Variants in PALLD observed in about 807,000 individuals in gnomAD.
PALLD encodes the protein palladin, cytoskeletal associated protein.
A neutral mutation model predicts 123.5 loss-of-function variants in PALLD; 61 were observed. The ratio of observed to expected loss-of-function variants is 0.49; its 90% CI spans 0.40 to 0.61. PALLD has a LOEUF of 0.61. Ranked by LOEUF, PALLD falls within the 20% of genes least tolerant of loss-of-function variation. The pLI is 0.00. For missense variants in PALLD, 1,273 were observed against 1,377.0 expected (o/e 0.92, Z 1.20); for synonymous variants, 465 against 496.4 (o/e 0.94, Z 0.84).
At chr4:168,767,500 G>T (rs190982483) in intron 10 of PALLD, among the ~76,000 whole-genome samples, 207 of 150,978 alleles carry the variant, frequency 1.4e-3, no homozygotes, top group South Asian at 4.0e-3. Context: ...CAGCATTCAT[G>T]GTTTTCCTTA....
At chr4:168,893,095 G>T (rs537467647) in intron 11 of PALLD, among the ~76,000 whole-genome samples, 1 of 152,290 alleles carries the variant, frequency 6.6e-6, no homozygotes, top group South Asian at 2.1e-4. Flanking sequence ...GGTAGCAGGT[G>T]CATTCTGGTG....
intron 2 of PALLD, among the ~76,000 whole-genome samples, chr4:168,516,544 A>G (rs1417381894): frequency 1.3e-5 from 2 of 152,152 alleles, no homozygotes; most frequent in Non-Finnish European, 2.9e-5. Context: ...TATGTTTTAA[A>G]CCATTTAAAT....
intron 7 of PALLD, 103 bp from the exon 8 acceptor site, chr4:168,691,166 G>A: frequency 1.2e-6 from 1 of 803,882 alleles, no homozygotes; most frequent in Non-Finnish European, 2.2e-6. Context: ...CTTCAGACAT[G>A]TCCTAGACAA....
intron 10 of PALLD, chr4:168,877,688 A>G (rs2151113008): frequency 9.3e-7 from 1 of 1,069,574 alleles, no homozygotes; most frequent in Non-Finnish European, 1.1e-6. Context: ...TGGCCGTTCC[A>G]TCTCTGAAGG....
rs17054576 is a variant in PALLD at position 168,921,891 on chromosome 4, A to T, written c.3058+150A>T. 86,846 of 712,432 alleles carry T rather than the reference A, an allele frequency of 0.12. 5,988 individuals are homozygous for T. The highest frequency in any genetic ancestry group is 0.25 in the African/African-American group (14,315 of 56,974). The allele number at this position is 712,432 out of a possible 1,614,324, so 44.1% of individuals were successfully genotyped here. A position where few individuals can be genotyped will look rare whatever the true frequency, so the allele number is the denominator to read the frequency against. ...AATAGCCAATGAGGACATGGTTATA[A>T]GGCCTAGCAAAACAGAAACAGAAAT... On this transcript the variant is annotated intron_variant, in intron 18 of 21. Coordinates refer to ENST00000505667, the MANE Select transcript of PALLD (RefSeq NM_001166108.2).
At chr4:168,607,936 C>G (rs1773347720) in intron 2 of PALLD, among the ~76,000 whole-genome samples, 1 of 152,198 alleles carries the variant, frequency 6.6e-6, no homozygotes, top group South Asian at 2.1e-4. Context: ...CTCTGCCTCC[C>G]TGTCTTTGCT....
At chr4:168,538,264 A>G (rs1350964115) in intron 2 of PALLD, among the ~76,000 whole-genome samples, 1 of 152,176 alleles carries the variant, frequency 6.6e-6, no homozygotes, top group Non-Finnish European at 1.5e-5. Flanking sequence ...TATTCTGAGT[A>G]AGTAAACAAT....
At chr4:168,654,508 A>G (rs1227621058) in intron 2 of PALLD, among the ~76,000 whole-genome samples, 1 of 152,232 alleles carries the variant, frequency 6.6e-6, no homozygotes, top group African/African-American at 2.4e-5. Flanking sequence ...AAAAGATCTA[A>G]ATCTGTATCA....
At chr4:168,497,690 A>T (rs1185933675) in intron 1 of PALLD, among the ~76,000 whole-genome samples, 2 of 152,248 alleles carry the variant, frequency 1.3e-5, no homozygotes, top group Non-Finnish European at 2.9e-5. Context: ...ACTGGACATA[A>T]TTAAATGAGT....
At chr4:168,641,272 T>C (rs562216177) in intron 2 of PALLD, among the ~76,000 whole-genome samples, 2 of 151,996 alleles carry the variant, frequency 1.3e-5, no homozygotes, top group East Asian at 3.9e-4. Context: ...TGCTTAAGTC[T>C]GAGTGGAGCC....
intron 10 of PALLD, among the ~76,000 whole-genome samples, chr4:168,730,601 C>T (rs529477118): frequency 6.6e-6 from 1 of 152,186 alleles, no homozygotes; most frequent in East Asian, 1.9e-4. Flanking sequence ...ATATGCTTAG[C>T]TAGAATGTGT....
chr4:168,508,685 C>T (rs1483107889), intron 1 of PALLD, among the ~76,000 whole-genome samples: 1 of 152,282 alleles, frequency 6.6e-6, no homozygotes, highest in Admixed American at 6.5e-5. Flanking sequence ...AACACAGTAG[C>T]TTTCTTTCAA....
chr4:168,721,351 T>C (rs770206943), intron 10 of PALLD, among the ~76,000 whole-genome samples: 6 of 152,118 alleles, frequency 3.9e-5, no homozygotes, highest in Non-Finnish European at 7.4e-5. Flanking sequence ...ATGAACAATA[T>C]GCTCATAGAT....
At chr4:168,747,244 C>T (rs75553618) in intron 10 of PALLD, among the ~76,000 whole-genome samples, 4,571 of 152,286 alleles carry the variant, frequency 0.03, 206 homozygotes, top group African/African-American at 0.095. Flanking sequence ...TCACTTGCCA[C>T]CACAGAGGCA....
At chr4:168,834,800 A>G (rs542403727) in intron 10 of PALLD, among the ~76,000 whole-genome samples, 2 of 152,288 alleles carry the variant, frequency 1.3e-5, no homozygotes, top group East Asian at 1.9e-4. Flanking sequence ...ATTTTACTCT[A>G]TTGTCTTAAG....
chr4:168,919,925 A>G (rs189288542), intron 17 of PALLD, among the ~76,000 whole-genome samples: 1 of 152,318 alleles, frequency 6.6e-6, no homozygotes, highest in African/African-American at 2.4e-5. Flanking sequence ...TTGCCCTAGC[A>G]TGAGTAACTA....
intron 2 of PALLD, among the ~76,000 whole-genome samples, chr4:168,641,014 C>T (rs539432299): frequency 6.6e-6 from 1 of 152,224 alleles, no homozygotes; most frequent in African/African-American, 2.4e-5. Flanking sequence ...CGAGACCATC[C>T]TGGCTAACAC....
chr4:168,845,483 A>G (rs1746703888), intron 10 of PALLD, among the ~76,000 whole-genome samples: 1 of 152,252 alleles, frequency 6.6e-6, no homozygotes, highest in African/African-American at 2.4e-5. Flanking sequence ...AAAAAGCAAT[A>G]TAGCATGACA....
intron 13 of PALLD, 47 bp from the exon 14 acceptor site, chr4:168,898,446 T>C (rs1400036137): frequency 8.1e-7 from 1 of 1,233,998 alleles, no homozygotes; most frequent in Non-Finnish European, 1.2e-6. Flanking sequence ...ACGTGACACT[T>C]TGTCAGAAGG....
Sources: gnomAD v4.1 joint callset for allele counts (sites outside exome capture counted in the v4.1 genomes callset) on GRCh38, gnomAD v4.1.1 for gene constraint, MANE v1.5 for transcripts, NCBI Gene and HGNC (gene_info 2026-07-23, HGNC 2026-07-21) for gene names.